The following KIF5A variants were observed in gnomAD, a reference collection of about 807,000 sequenced individuals.
KIF5A encodes kinesin heavy chain isoform 5A.
A neutral mutation model predicts 141.3 loss-of-function variants in KIF5A; 35 were observed. The ratio of observed to expected loss-of-function variants is 0.25; its 90% CI spans 0.19 to 0.33. The LOEUF is 0.33. Among genes scored for constraint, KIF5A ranks in the 10% least tolerant of loss-of-function variants. KIF5A has a pLI of 1.00. For synonymous variants in KIF5A, 448 were observed against 500.2 expected (o/e 0.90, Z 1.39); for missense variants, 861 against 1,314.3 (o/e 0.66, Z 5.33).
chr12:57,570,447 A>G (rs530170400), intron 12 of KIF5A, among the ~76,000 whole-genome samples: 19 of 152,238 alleles, frequency 1.2e-4, no homozygotes, highest in Non-Finnish European at 1.9e-4. Context: ...CGCCCAGGCT[A>G]GAGTGCAGAG....
intron 1 of KIF5A, among the ~76,000 whole-genome samples, chr12:57,560,221 G>A (rs1881869678): frequency 6.6e-6 from 1 of 152,098 alleles, no homozygotes; most frequent in Non-Finnish European, 1.5e-5. Flanking sequence ...ATAACAGTGA[G>A]GAATAAAATA....
At chr12:57,583,248 A>T in intron 28 of KIF5A, 33 bp downstream of exon 28, 2 of 1,357,276 alleles carry the variant, frequency 1.5e-6, no homozygotes, top group South Asian at 2.4e-5. Context: ...GACCAGCCTC[A>T]GGTTGCTTCC....
In KIF5A at chr12:57,567,597, G is replaced by T. The variant is rs1310606208; in HGVS notation, c.693G>T (p.Val231=). 12 of 1,613,242 alleles carry T rather than the reference G, an allele frequency of 7.4e-6. No individual in the cohort carries two copies. The highest frequency in any genetic ancestry group is 1.0e-5 in the Non-Finnish European group (12 of 1,179,680). Residue 231 remains valine (V), a synonymous_variant, in exon 8 of 29, where the codon GTG becomes GTT. Transcript: ENST00000455537. ...AGCTCAGTGGGAAGCTGTATCTGGT[G>T]GACCTGGCAGGGAGTGAGAAGGTAG... ...EQKLSGKLYL[V]DLAGSEKVSK... is the part of the protein sequence containing the mutation.
intron 23 of KIF5A, 116 bp downstream of exon 23, chr12:57,578,458 G>A (rs985329957): frequency 1.9e-5 from 14 of 742,612 alleles, no homozygotes; most frequent in South Asian, 4.4e-5. Context: ...CTTACTGTTC[G>A]CTTTTACTTT....
At chr12:57,559,184 T>C (rs1312472342) in intron 1 of KIF5A, among the ~76,000 whole-genome samples, 1 of 152,260 alleles carries the variant, frequency 6.6e-6, no homozygotes. Flanking sequence ...AATGACCTTG[T>C]ATAAATATTT....
At chr12:57,556,162 G>C (rs1375596541) in intron 1 of KIF5A, among the ~76,000 whole-genome samples, 1 of 147,472 alleles carries the variant, frequency 6.8e-6, no homozygotes, top group African/African-American at 2.5e-5. Context: ...TTTTTCAGAC[G>C]GAGTCTCGCT....
At chr12:57,575,789 C>T (rs770466120) in intron 17 of KIF5A, 32 bp downstream of exon 17, 1 of 1,450,222 alleles carries the variant, frequency 6.9e-7, no homozygotes, top group Non-Finnish European at 9.7e-7. Context: ...ATCCCACTGT[C>T]CAGGGCAGAA....
intron 23 of KIF5A, 54 bp downstream of exon 23, chr12:57,578,396 AC>A: frequency 8.1e-7 from 1 of 1,227,900 alleles, no homozygotes; most frequent in Non-Finnish European, 1.2e-6. Flanking sequence ...TAGCTAGCAT[AC>A]CAAATCCTCA....
intron 1 of KIF5A, among the ~76,000 whole-genome samples, chr12:57,559,552 T>TTACATACA (rs902565625): frequency 1.3e-5 from 2 of 152,202 alleles, no homozygotes; most frequent in African/African-American, 4.8e-5. Context: ...GTGATATAAT[T>TTACATACA]TACATACAGT....
chr12:57,581,714 C>T (rs1460046003), intron 25 of KIF5A, 146 bp downstream of exon 25: 3 of 1,218,680 alleles, frequency 2.5e-6, no homozygotes, highest in Non-Finnish European at 3.6e-6. Flanking sequence ...AGGTAGGTGT[C>T]TGCCCTCCCA....
In KIF5A at chr12:57,586,587, G is replaced by C. The variant is rs548476384; in HGVS notation, c.*2406G>C. ...GCAACCCCCTGTGTGTATTTACTTGGTGTACATAGATAACTTTAAAATAAA... is the reference window on the plus strand; with the variant it reads ...GCAACCCCCTGTGTGTATTTACTTGCTGTACATAGATAACTTTAAAATAAA... On this transcript the variant is annotated 3_prime_UTR_variant, in exon 29 of 29. Transcript: ENST00000455537. The C allele has an allele frequency of 1.3e-5, 2 of 152,298 alleles. No homozygotes were observed. Among genetic ancestry groups the C allele is most frequent in the East Asian group, 3.9e-4 (2 of 5,188 alleles). The allele number at this position is 152,298 out of a possible 1,614,324, so 9.4% of individuals were successfully genotyped here.
intron 12 of KIF5A, 32 bp from the exon 13 acceptor site, chr12:57,571,289 C>A: frequency 1.5e-6 from 2 of 1,350,264 alleles, no homozygotes; most frequent in South Asian, 1.2e-5. Flanking sequence ...AGTAGCTTCC[C>A]TTCACCTGTC....
intron 13 of KIF5A, among the ~76,000 whole-genome samples, chr12:57,571,643 C>T (rs1177890914): frequency 6.6e-6 from 1 of 151,662 alleles, no homozygotes; most frequent in Non-Finnish European, 1.5e-5. Context: ...AATCTCAGCT[C>T]ACTGCAGCCT....
rs760213269 is a variant in KIF5A at position 57,577,730 on chromosome 12, A to G, written c.2318A>G (p.His773Arg). The G allele has an allele frequency of 6.2e-7, 1 of 1,614,032 alleles. No homozygotes were observed. The highest frequency in any genetic ancestry group is 1.7e-5 in the Admixed American group (1 of 60,018). ...TGCTACAGATTTCTGTACGAGCGAC[A>G]TGAGCAGTCCAAGCAGGACCTCAAG... ...LQELTFLYER[H>R]EQSKQDLKGL... Residue 773 changes from histidine (H) to arginine (R), a missense_variant, in exon 21 of 29, where the codon CAT becomes CGT. By Grantham distance (29) the His-to-Arg change is conservative. This residue lies in a region of KIF5A where 482 missense variants were observed against 661.3 expected (regional missense o/e 0.73). Transcript: ENST00000455537.
rs780457980 is a variant in KIF5A at position 57,580,974 on chromosome 12, G to A, written c.2557G>A (p.Asp853Asn). The A allele has an allele frequency of 1.7e-5, 28 of 1,613,934 alleles. No individual in the cohort carries two copies. In the East Asian group the frequency reaches 6.2e-4, roughly 36 times the overall value. ...VHKQLVRDNA[D>N]LRCELPKLEK... is the part of the protein sequence containing the mutation. The stretch of plus-strand genomic sequence containing the variant: ...CCCATAGCTGGTACGTGACAATGCA[G>A]ATCTGCGTTGTGAGCTTCCTAAATT... The change falls in exon 24 of 29, where the codon GAT becomes AAT. Residue 853 changes from aspartate to asparagine, a missense_variant. Transcript: ENST00000455537.
intron 1 of KIF5A, among the ~76,000 whole-genome samples, chr12:57,561,798 T>G (rs578024948): frequency 3.9e-5 from 6 of 152,374 alleles, no homozygotes; most frequent in Admixed American, 3.9e-4. Context: ...GTTAACACTT[T>G]TGTATAATTC....
chr12:57,574,349 T>A (rs537400239), intron 15 of KIF5A, among the ~76,000 whole-genome samples: 18 of 151,026 alleles, frequency 1.2e-4, no homozygotes, highest in South Asian at 4.2e-4. Flanking sequence ...CTCAGCTCAC[T>A]GCAACCTCCG....
At chr12:57,582,081 A>G in intron 26 of KIF5A, 129 bp downstream of exon 26, 1 of 764,988 alleles carries the variant, frequency 1.3e-6, no homozygotes, top group Non-Finnish European at 2.3e-6. Context: ...CTTCAAATAA[A>G]AAAAAAAATA....
At chr12:57,581,287 T>TC (rs942072767) in intron 24 of KIF5A, 115 bp downstream of exon 24, 1 of 1,511,146 alleles carries the variant, frequency 6.6e-7, no homozygotes. Flanking sequence ...TCATCCCACT[T>TC]CCCCCCAAAA....
Sources: allele counts gnomAD v4.1 joint callset (sites outside exome capture counted in the v4.1 genomes callset), GRCh38; gene constraint gnomAD v4.1.1; regional missense constraint gnomAD v4.1.1; transcripts MANE v1.5; gene names NCBI Gene and HGNC (gene_info 2026-07-23, HGNC 2026-07-21).